CCSER2: variants seen among roughly 807,000 people sequenced by gnomAD.
CCSER2 encodes serine-rich coiled-coil domain-containing protein 2.
A neutral mutation model predicts 92.3 loss-of-function variants in CCSER2; 46 were observed. The ratio of observed to expected loss-of-function variants is 0.50; its 90% CI spans 0.39 to 0.64. CCSER2 has a LOEUF of 0.64. Among genes scored for constraint, CCSER2 ranks in the 30% least tolerant of loss-of-function variants. The probability of loss-of-function intolerance (pLI) is 0.00; values close to 1 mark genes in which losing one functional copy is unlikely to be tolerated. For missense variants in CCSER2, 1,244 were observed against 1,238.9 expected, an observed-to-expected ratio of 1.00 and a Z score of -0.06; for synonymous variants, 433 against 431.4, an observed-to-expected ratio of 1.00 and a Z score of -0.04.
chr10:84,513,000 A>G (rs1849441651), intron 9 of CCSER2, among the ~76,000 whole-genome samples: 2 of 152,166 alleles, frequency 1.3e-5, no homozygotes, highest in Non-Finnish European at 2.9e-5. Context: ...ACAGAAGAAC[A>G]ACACTTGTTA....
At position 84,516,041 on chromosome 10, in the gene CCSER2, TATATC is replaced by T. The variant is rs576427596; in HGVS notation, c.*1776_*1780del. On this transcript the variant is annotated 3_prime_UTR_variant, in exon 10 of 10. Transcript: ENST00000372088. ...TTTGTTTTGAGCAGCTGACCAAAAA[TATATC>T]AAACAGGATTATGGCCAAAAAGTCA... 1.3e-5 allele frequency: 2 copies of T among 152,306 alleles called. No individual in the cohort carries two copies. The highest frequency in any genetic ancestry group is 3.9e-4 in the East Asian group (2 of 5,178). The allele number at this position is 152,306 out of a possible 1,614,324, so 9.4% of individuals were successfully genotyped here. A position where few individuals can be genotyped will look rare whatever the true frequency, so the allele number is the denominator to read the frequency against.
At chr10:84,464,087 T>A in intron 7 of CCSER2, 71 bp downstream of exon 7, 1 of 768,698 alleles carries the variant, frequency 1.3e-6, no homozygotes, top group Non-Finnish European at 2.2e-6. Context: ...ACAATGACAA[T>A]GAAAACAATA....
At chr10:84,477,875 AGCTTTTTC>A (rs1440283294) in intron 9 of CCSER2, among the ~76,000 whole-genome samples, 4 of 152,276 alleles carry the variant, frequency 2.6e-5, no homozygotes, top group Non-Finnish European at 5.9e-5. Flanking sequence ...GCATTTTAAT[AGCTTTTTC>A]ATTCTACATA....
chr10:84,394,373 C>G (rs1303751325), intron 3 of CCSER2, among the ~76,000 whole-genome samples: 1 of 132,680 alleles, frequency 7.5e-6, no homozygotes, highest in Non-Finnish European at 1.6e-5. Flanking sequence ...CTTGAAATAA[C>G]AAAAGGAAAG....
intron 8 of CCSER2, among the ~76,000 whole-genome samples, chr10:84,477,164 T>C (rs1847195372): frequency 6.6e-6 from 1 of 152,220 alleles, no homozygotes; most frequent in African/African-American, 2.4e-5. Context: ...ACTTAACTCT[T>C]TATATTGATA....
At chr10:84,386,324 A>C (rs1241627990) in intron 3 of CCSER2, among the ~76,000 whole-genome samples, 1 of 152,264 alleles carries the variant, frequency 6.6e-6, no homozygotes, top group Non-Finnish European at 1.5e-5. Context: ...TTATCAAAAT[A>C]GCAAAGTCAT....
intron 4 of CCSER2, chr10:84,425,039 A>G (rs2133428945): frequency 1.0e-6 from 1 of 978,226 alleles, no homozygotes; most frequent in East Asian, 1.1e-4. Flanking sequence ...TGTGAGGAAA[A>G]AGTATTTGGG....
chr10:84,386,492 G>T (rs945629182), intron 3 of CCSER2, among the ~76,000 whole-genome samples: 1 of 152,162 alleles, frequency 6.6e-6, no homozygotes, highest in Non-Finnish European at 1.5e-5. Context: ...TGAGGCAGGC[G>T]GATCACTTGA....
intron 9 of CCSER2, among the ~76,000 whole-genome samples, chr10:84,499,089 T>G (rs1236073313): frequency 1.3e-5 from 2 of 152,166 alleles, no homozygotes; most frequent in African/African-American, 4.8e-5. Context: ...TTAGCTAATG[T>G]TCTTTATTTT....
Position 84,464,005 on chromosome 10 carries a change from A to G in CCSER2, c.2137A>G (p.Lys713Glu), listed in dbSNP as rs1846249483. The G allele has an allele frequency of 3.1e-6, 5 of 1,599,796 alleles. No homozygotes were observed. In the Middle Eastern group the frequency reaches 8.3e-4, roughly 265 times the overall value. Residue 713 changes from lysine to glutamate, a missense_variant, in exon 7 of 10, where the codon AAA becomes GAA. Transcript: ENST00000372088. ...PSSPEPEDGD[K>E]VYKNEDLLNE... Reference sequence around the variant, plus strand: ...CAGTCCAGAACCAGAAGATGGTGATAAAGTATATAAGGTATGACTATGTAG... The same window carrying G: ...CAGTCCAGAACCAGAAGATGGTGATGAAGTATATAAGGTATGACTATGTAG...
In CCSER2 at chr10:84,371,432, C is replaced by T; in HGVS notation, c.380C>T (p.Pro127Leu). 1 of 1,613,572 alleles carries T rather than the reference C, an allele frequency of 6.2e-7. No individual in the cohort carries two copies. Among genetic ancestry groups the T allele is most frequent in the Non-Finnish European group, 8.5e-7 (1 of 1,179,782 alleles). ...VSLFTSKLAKPSTMFVSSTEE... is the reference protein window; with the variant it reads ...VSLFTSKLAKLSTMFVSSTEE... ...TTATTCACATCAAAGTTAGCAAAGC[C>T]ATCCACTATGTTTGTGTCATCTACA... The change falls in exon 2 of 10, where the codon CCA becomes CTA. Residue 127 changes from proline to leucine, a missense_variant. By Grantham distance (98) the Pro-to-Leu change is moderately conservative. Coordinates refer to ENST00000372088, the MANE Select transcript of CCSER2 (RefSeq NM_001284240.2).
At chr10:84,437,023 A>T (rs1273765621) in intron 5 of CCSER2, among the ~76,000 whole-genome samples, 5 of 152,156 alleles carry the variant, frequency 3.3e-5, no homozygotes, top group Non-Finnish European at 5.9e-5. Context: ...TAAAATAGCC[A>T]TTATATTGGA....
intron 1 of CCSER2, among the ~76,000 whole-genome samples, chr10:84,342,933 T>C (rs1244363532): frequency 1.3e-5 from 2 of 152,192 alleles, no homozygotes; most frequent in African/African-American, 2.4e-5. Flanking sequence ...AGTGCAGTGG[T>C]GTGATCTCTG....
intron 1 of CCSER2, among the ~76,000 whole-genome samples, chr10:84,350,027 C>T (rs952021259): frequency 4.6e-5 from 7 of 152,130 alleles, no homozygotes; most frequent in Non-Finnish European, 7.3e-5. Context: ...GGTGGTGGCA[C>T]CTGTAATCCC....
chr10:84,423,610 G>C (rs1843266069), intron 4 of CCSER2, among the ~76,000 whole-genome samples: 1 of 152,056 alleles, frequency 6.6e-6, no homozygotes, highest in South Asian at 2.1e-4. Context: ...CTATCAAGTG[G>C]TTTTTTGGAC....
chr10:84,377,875 T>A (rs1407983029), intron 3 of CCSER2, among the ~76,000 whole-genome samples: 1 of 152,238 alleles, frequency 6.6e-6, no homozygotes, highest in Admixed American at 6.5e-5. Context: ...TATGAGTTTT[T>A]GTTGTATATA....
chr10:84,446,875 C>G (rs995636469), intron 6 of CCSER2, among the ~76,000 whole-genome samples: 1 of 151,134 alleles, frequency 6.6e-6, no homozygotes, highest in African/African-American at 2.5e-5. Context: ...TGTGAGTATT[C>G]CTCTATGGCT....
rs182476094 is a variant in CCSER2, at chr10:84,498,744, G to C, written c.2326-14705G>C. On this transcript the variant is annotated intron_variant, in intron 9 of 9. Coordinates refer to ENST00000372088, the MANE Select transcript of CCSER2 (RefSeq NM_001284240.2). ...TGGGTATGATCATGATTTATAGGCT[G>C]ATTTTCCTTAATGATATTTTAAGAG... Among the ~76,000 whole-genome samples, 410 of 152,258 alleles carry C rather than the reference G, an allele frequency of 2.7e-3. 3 individuals are homozygous for C. The highest frequency in any genetic ancestry group is 9.1e-3 in the African/African-American group (377 of 41,542).
At chr10:84,380,829 G>A (rs1339680661) in intron 3 of CCSER2, among the ~76,000 whole-genome samples, 1 of 151,978 alleles carries the variant, frequency 6.6e-6, no homozygotes, top group African/African-American at 2.4e-5. Flanking sequence ...CAAGTAGCTG[G>A]GACTACAGGT....
Sources: gnomAD v4.1 joint callset for allele counts (sites outside exome capture counted in the v4.1 genomes callset) on GRCh38, gnomAD v4.1.1 for gene constraint, MANE v1.5 for transcripts, NCBI Gene and HGNC (gene_info 2026-07-23, HGNC 2026-07-21) for gene names.